The following CLINT1 variants were observed in gnomAD, a reference collection of about 807,000 sequenced individuals.
CLINT1 encodes clathrin interacting protein localized in the trans-Golgi region.
CLINT1 carries 15 observed loss-of-function variants against 70.4 expected under a neutral mutation model. The ratio of observed to expected loss-of-function variants is 0.21; its 90% confidence interval spans 0.14 to 0.33. The LOEUF (loss-of-function observed/expected upper bound fraction) is 0.33. Ranked by LOEUF, CLINT1 falls within the 10% of genes least tolerant of loss-of-function variation. The pLI, the probability that CLINT1 is intolerant of heterozygous loss-of-function variation, is 1.00. For synonymous variants in CLINT1, 227 were observed against 254.7 expected (o/e 0.89, Z 1.04); for missense variants, 615 against 778.1 (o/e 0.79, Z 2.49).
At chr5:157,810,533 G>A (rs533406725) in intron 5 of CLINT1, among the ~76,000 whole-genome samples, 5 of 152,164 alleles carry the variant, frequency 3.3e-5, no homozygotes, top group Non-Finnish European at 7.3e-5. Flanking sequence ...GAGCCTCTGT[G>A]TGAATTTGGG....
intron 3 of CLINT1, among the ~76,000 whole-genome samples, chr5:157,816,232 T>C (rs1262802515): frequency 1.3e-5 from 2 of 152,156 alleles, no homozygotes; most frequent in African/African-American, 2.4e-5. Context: ...TAGATGACTA[T>C]ATTATTATAG....
chr5:157,809,655 T>C lies in CLINT1; in HGVS notation c.668A>G (p.Asp223Gly), dbSNP rs1258005788. 1 of 1,611,970 alleles carries C rather than the reference T, an allele frequency of 6.2e-7. No individual in the cohort carries two copies. The highest frequency in any genetic ancestry group is 8.5e-7 in the Non-Finnish European group (1 of 1,179,130). The change falls in exon 6 of 12, where the codon GAT becomes GGT. Residue 223 changes from aspartate to glycine, a missense_variant. Around this residue, in one of 2 missense-constraint regions of CLINT1, gnomAD observed 241 missense variants for 368.6 expected, o/e 0.65. Coordinates refer to ENST00000411809, the MANE Select transcript of CLINT1 (RefSeq NM_014666.4). ...GCATCTTTCTGGAGAGTCTTCTCTA[T>C]CTTTCCTCCGGAACTTGCTGATGGT... ...DDTISKFRRKDREDSPERCSD... is the reference protein window; with the variant it reads ...DDTISKFRRKGREDSPERCSD...
At chr5:157,835,627 T>TC (rs1763394686) in intron 1 of CLINT1, among the ~76,000 whole-genome samples, 1 of 152,064 alleles carries the variant, frequency 6.6e-6, no homozygotes, top group African/African-American at 2.4e-5. Context: ...AACTCCATGA[T>TC]ATCTTGGGAA....
intron 1 of CLINT1, among the ~76,000 whole-genome samples, chr5:157,821,041 A>T (rs1321821479): frequency 6.6e-6 from 1 of 152,198 alleles, no homozygotes; most frequent in African/African-American, 2.4e-5. Flanking sequence ...TTGAAATTTT[A>T]AAAAATTATC....
intron 1 of CLINT1, among the ~76,000 whole-genome samples, chr5:157,836,783 G>A (rs1373099414): frequency 3.9e-5 from 6 of 152,166 alleles, no homozygotes; most frequent in African/African-American, 1.2e-4. Context: ...CTTAAAGTAG[G>A]TGCCACATCC....
chr5:157,809,894 T>A, intron 5 of CLINT1, 89 bp from the exon 6 acceptor site: 1 of 1,280,196 alleles, frequency 7.8e-7, no homozygotes. Flanking sequence ...CTTTTCCTCA[T>A]AATAAAATCA....
chr5:157,818,353 TG>T (rs1355911152), intron 1 of CLINT1, among the ~76,000 whole-genome samples: 1 of 151,688 alleles, frequency 6.6e-6, no homozygotes, highest in Non-Finnish European at 1.5e-5. Context: ...CAGCAAATGG[TG>T]TTTATTTAGC....
At chr5:157,807,020 T>C (rs1018638952) in intron 6 of CLINT1, among the ~76,000 whole-genome samples, 1 of 151,886 alleles carries the variant, frequency 6.6e-6, no homozygotes, top group Non-Finnish European at 1.5e-5. Flanking sequence ...GAAATGTTAC[T>C]TGAAACATGT....
chr5:157,789,468 T>G lies in CLINT1; in HGVS notation c.1426A>C (p.Thr476Pro). ...ATGTTTACACTGGGGTCAGACCAAG[T>G]AGAGGGCAAGGTTTTGCTGACTGAT... The part of the protein sequence containing the change: ...QKSVSKTLPS[T>P]WSDPSVNISL... The change falls in exon 11 of 12, where the codon ACT (threonine) becomes CCT (proline). Residue 476 changes from threonine to proline, a missense_variant. Coordinates refer to ENST00000411809, the MANE Select transcript of CLINT1 (RefSeq NM_014666.4). 3 of 1,613,894 alleles carry G rather than the reference T, an allele frequency of 1.9e-6. No individual in the cohort carries two copies. The highest frequency in any genetic ancestry group is 2.5e-6 in the Non-Finnish European group (3 of 1,179,840).
At chr5:157,788,555 T>C (rs1761797845) in intron 11 of CLINT1, among the ~76,000 whole-genome samples, 1 of 152,144 alleles carries the variant, frequency 6.6e-6, no homozygotes, top group African/African-American at 2.4e-5. Context: ...AATATAACTA[T>C]CAAGAGCTAA....
chr5:157,791,981 C>T lies in CLINT1; in HGVS notation c.1102G>A (p.Gly368Arg), dbSNP rs752663179. 1.9e-6 allele frequency: 3 copies of T among 1,613,140 alleles called. No homozygotes were observed. In the South Asian group the frequency reaches 3.3e-5, roughly 18 times the overall value. ...SFPSQVTATS[G>R]NGDFGDWSAF... ...CTCCAGTCACCAAAGTCTCCATTCC[C>T]ACTTGTTGCTGTTACTAAGACAGAA... The change falls in exon 10 of 12, where the codon GGG (glycine) becomes AGG (arginine). Residue 368 changes from glycine (G) to arginine (R), a missense_variant. Coordinates refer to ENST00000411809, the MANE Select transcript of CLINT1 (RefSeq NM_014666.4).
rs1181303269 is a variant in CLINT1 at position 157,813,772 on chromosome 5, A to G, written c.352+413T>C. Reference sequence around the variant, plus strand: ...TGCTTCATTTTCTAGCCTCTTTCACATTCAAAACACACTGTGGCCTTGCTG... The same window carrying G: ...TGCTTCATTTTCTAGCCTCTTTCACGTTCAAAACACACTGTGGCCTTGCTG... On this transcript the variant is annotated intron_variant, in intron 4 of 11. Coordinates refer to ENST00000411809, the MANE Select transcript of CLINT1 (RefSeq NM_014666.4). Among the ~76,000 whole-genome samples, 8 of 152,334 alleles carry G rather than the reference A, an allele frequency of 5.3e-5. No individual in the cohort carries two copies. The East Asian group carries it at 1.5e-3, about 29-fold the overall frequency.
chr5:157,811,050 A>T (rs1581497273), intron 5 of CLINT1, among the ~76,000 whole-genome samples: 1 of 152,268 alleles, frequency 6.6e-6, no homozygotes, highest in East Asian at 1.9e-4. Context: ...GGTTTTTTTA[A>T]AAAAAGTGAT....
intron 9 of CLINT1, among the ~76,000 whole-genome samples, chr5:157,793,304 A>G (rs1234073757): frequency 6.6e-6 from 1 of 152,086 alleles, no homozygotes; most frequent in African/African-American, 2.4e-5. Flanking sequence ...GATCAATGTA[A>G]ACTTTTATGC....
rs1361861695 is a variant in CLINT1, at chr5:157,830,743, CCTCCCTCTCT to C, written c.42-13206_42-13197del. On this transcript the variant is annotated intron_variant, in intron 1 of 11. Coordinates refer to ENST00000411809, the MANE Select transcript of CLINT1 (RefSeq NM_014666.4). Reference sequence around the variant, plus strand: ...CACTCCCCCTCCCACTCTCCCTGCCCCTCCCTCTCTCTCCCTCTCTCTCTCTCTCTCTCTC... The same window carrying C: ...CACTCCCCCTCCCACTCTCCCTGCCCCTCCCTCTCTCTCTCTCTCTCTCTC... 3.9e-3 allele frequency among the ~76,000 whole-genome samples: 483 copies of C among 122,530 alleles called. 2 individuals carry two copies. Among genetic ancestry groups the C allele is most frequent in the Non-Finnish European group, 6.4e-3 (373 of 58,218 alleles). The allele number at this position is 122,530 out of a possible 152,430, so 80.4% of individuals were successfully genotyped here.
chr5:157,820,235 G>A (rs926520478), intron 1 of CLINT1, among the ~76,000 whole-genome samples: 1 of 152,164 alleles, frequency 6.6e-6, no homozygotes, highest in Non-Finnish European at 1.5e-5. Context: ...GATTGCTTGA[G>A]CCTAGAAGTT....
intron 1 of CLINT1, among the ~76,000 whole-genome samples, chr5:157,835,095 G>C (rs934688390): frequency 6.6e-6 from 1 of 152,074 alleles, no homozygotes; most frequent in Admixed American, 6.5e-5. Flanking sequence ...CATAAACAAG[G>C]GTCCTTTCTA....
chr5:157,815,039 A>G (rs1762675714), intron 3 of CLINT1, among the ~76,000 whole-genome samples: 1 of 151,952 alleles, frequency 6.6e-6, no homozygotes, highest in Non-Finnish European at 1.5e-5. Context: ...TCAAAAAAAA[A>G]AAAAAAAAGA....
chr5:157,809,497 T>TAAA (rs60217753), intron 6 of CLINT1, 131 bp downstream of exon 6: 144 of 500,878 alleles, frequency 2.9e-4, no homozygotes, highest in East Asian at 4.7e-4. Context: ...TGAAGTCTAT[T>TAAA]AAAAAAAAAA....
Sources: gnomAD v4.1 joint callset for allele counts (sites outside exome capture counted in the v4.1 genomes callset) on GRCh38, gnomAD v4.1.1 for gene constraint, gnomAD v4.1.1 regional missense constraint, MANE v1.5 for transcripts, NCBI Gene and HGNC (gene_info 2026-07-23, HGNC 2026-07-21) for gene names.